The following MYO18A variants were observed in gnomAD, a reference collection of about 807,000 sequenced individuals.
MYO18A encodes myosin XVIIIA, also known as unconventional myosin-XVIIIa.
A neutral mutation model predicts 235.8 loss-of-function variants in MYO18A; 78 were observed. The observed-to-expected ratio is 0.33, with a 90% CI of 0.28 to 0.40. The LOEUF is 0.40. MYO18A is among the 10% of genes least tolerant of loss of function. The probability of loss-of-function intolerance (pLI) is 1.00; values close to 1 mark genes in which losing one functional copy is unlikely to be tolerated. For synonymous variants in MYO18A, 977 were observed against 1,077.8 expected (o/e 0.91, Z 1.83); for missense variants, 2,215 against 2,699.3 (o/e 0.82, Z 3.98).
chr17:29,167,117 G>T, intron 1 of MYO18A, 96 bp from the exon 2 acceptor site: 1 of 846,244 alleles, frequency 1.2e-6, no homozygotes, highest in Non-Finnish European at 1.8e-6. Context: ...ACTCCTCACT[G>T]GGTGCTAGCT....
intron 2 of MYO18A, among the ~76,000 whole-genome samples, chr17:29,161,355 CAAA>C (rs1175565325): frequency 3.0e-4 from 15 of 50,324 alleles, no homozygotes; most frequent in African/African-American, 7.3e-4. Flanking sequence ...AACTCCATGT[CAAA>C]AAAAAAAAAA....
chr17:29,100,579 A>G (rs899095268), intron 21 of MYO18A, among the ~76,000 whole-genome samples: 113 of 152,246 alleles, frequency 7.4e-4, no homozygotes, highest in African/African-American at 2.6e-3. Context: ...GCTCGGTAAA[A>G]TTTGCCACAC....
Position 29,074,079 on chromosome 17 carries a change from G to A in MYO18A, c.*691C>T. 1.2e-6 allele frequency: 2 copies of A among 1,614,120 alleles called. No homozygotes were observed. The highest frequency in any genetic ancestry group is 2.7e-5 in the African/African-American group (2 of 75,040). ...GCGTAGGCTTGCTCAACCCAGCCCA[G>A]CAGCACCGGAGAGCCCCTCCGCACC... On this transcript the variant is annotated 3_prime_UTR_variant, in exon 42 of 42. Coordinates refer to ENST00000527372, the MANE Select transcript of MYO18A (RefSeq NM_078471.4). The surrounding 1 kb of genome is among the most constrained non-coding windows in gnomAD (Gnocchi z 4.4).
At chr17:29,116,300 C>T in intron 11 of MYO18A, 144 bp downstream of exon 11, 1 of 897,756 alleles carries the variant, frequency 1.1e-6, no homozygotes, top group Non-Finnish European at 1.9e-6. Flanking sequence ...CCAGTGGAGA[C>T]CACAAACACC....
At chr17:29,162,504 C>T (rs2068195167) in intron 2 of MYO18A, among the ~76,000 whole-genome samples, 1 of 152,226 alleles carries the variant, frequency 6.6e-6, no homozygotes, top group Admixed American at 6.5e-5. Context: ...ATCTACTACC[C>T]AGATGTCAGC....
At chr17:29,101,975 C>T (rs1482908464) in intron 21 of MYO18A, among the ~76,000 whole-genome samples, 1 of 152,170 alleles carries the variant, frequency 6.6e-6, no homozygotes, top group Non-Finnish European at 1.5e-5. Flanking sequence ...CTCAGGGTCC[C>T]ATGGCTCAGA....
intron 2 of MYO18A, among the ~76,000 whole-genome samples, chr17:29,142,098 C>A (rs2067753877): frequency 6.6e-6 from 1 of 152,234 alleles, no homozygotes; most frequent in Admixed American, 6.5e-5. Context: ...GCGCCTGCCA[C>A]CATGCCCGGC....
rs2067712719 is a variant in MYO18A, at chr17:29,140,487, C to T, written c.1000-18234G>A. 2.6e-6 allele frequency: 3 copies of T among 1,150,092 alleles called. No individual in the cohort carries two copies. The highest frequency in any genetic ancestry group is 3.3e-6 in the Non-Finnish European group (3 of 908,120). 71.2% of individuals were successfully genotyped at this position (1,150,092 alleles called of 1,614,324 possible). ...CCCCTCCCGTCCCGAGCTGCCCAGC[C>T]CTAGTTGGAGCCAGCAGCCCGGAGG... On this transcript the variant is annotated intron_variant, in intron 2 of 41. Coordinates refer to ENST00000527372, the MANE Select transcript of MYO18A (RefSeq NM_078471.4). The surrounding 1 kb of genome is among the most constrained non-coding windows in gnomAD (Gnocchi z 4.2).
At chr17:29,128,854 C>A (rs1305765343) in intron 2 of MYO18A, among the ~76,000 whole-genome samples, 1 of 152,204 alleles carries the variant, frequency 6.6e-6, no homozygotes, top group Non-Finnish European at 1.5e-5. Flanking sequence ...CGCCGAGAGG[C>A]CTATGAGGTG....
Position 29,121,508 on chromosome 17 carries a change from G to C in MYO18A, c.1371+39C>G. On this transcript the variant is annotated intron_variant, in intron 5 of 41. Coordinates refer to ENST00000527372, the MANE Select transcript of MYO18A (RefSeq NM_078471.4). This position sits in a 1 kb window ranked among gnomAD's most constrained non-coding sequence, Gnocchi z 4.2. Reference sequence around the variant, plus strand: ...GGGCAGAGAGCCAGGGCAGGGGGTGGGACCAGGAGTCTGCAGGGTAGCCTT... The same window carrying C: ...GGGCAGAGAGCCAGGGCAGGGGGTGCGACCAGGAGTCTGCAGGGTAGCCTT... The C allele has an allele frequency of 6.5e-7, 1 of 1,548,722 alleles. No individual in the cohort carries two copies. The highest frequency in any genetic ancestry group is 8.7e-7 in the Non-Finnish European group (1 of 1,145,806).
At chr17:29,143,090 G>C (rs939998500) in intron 2 of MYO18A, among the ~76,000 whole-genome samples, 1 of 152,238 alleles carries the variant, frequency 6.6e-6, no homozygotes, top group Admixed American at 6.5e-5. Flanking sequence ...TTACAGGCGT[G>C]AGTCACCATG....
intron 2 of MYO18A, among the ~76,000 whole-genome samples, chr17:29,163,316 T>C (rs1351099220): frequency 6.6e-6 from 1 of 152,184 alleles, no homozygotes; most frequent in Non-Finnish European, 1.5e-5. Flanking sequence ...CCCAGGAAGC[T>C]GGAAACGCTG....
chr17:29,089,419 CAAA>C (rs56389977), intron 37 of MYO18A, among the ~76,000 whole-genome samples: 1 of 23,810 alleles, frequency 4.2e-5, no homozygotes, highest in African/African-American at 1.5e-4. Context: ...GACTCTGTCT[CAAA>C]AAAAAAAAAA....
chr17:29,122,161 C>T lies in MYO18A; in HGVS notation c.1087+5G>A, dbSNP rs745702975. 6.2e-7 allele frequency: 1 copy of T among 1,611,584 alleles called. No individual in the cohort carries two copies. The highest frequency in any genetic ancestry group is 1.1e-5 in the South Asian group (1 of 90,504). On this transcript the variant is annotated splice_donor_5th_base_variant and intron_variant, in intron 3 of 41. Coordinates refer to ENST00000527372, the MANE Select transcript of MYO18A (RefSeq NM_078471.4). ...ACATGTGCCCCCAGACCCTCTGAGA[C>T]TCACCCAGTGAGAAGCCGTCCCTAT...
Position 29,080,395 on chromosome 17 carries a change from G to A in MYO18A, c.6020+1921C>T, listed in dbSNP as rs370853439. 21 of 986,138 alleles carry A rather than the reference G, an allele frequency of 2.1e-5. No individual in the cohort carries two copies. The African/African-American group carries it at 3.5e-4, about 16-fold the overall frequency. The allele number at this position is 986,138 out of a possible 1,614,324, so 61.1% of individuals were successfully genotyped here. The stretch of plus-strand genomic sequence containing the variant: ...CACCGACAGACTGCGGGCCAGCGAC[G>A]GGTGGCTGTACTGCGAGCAGGCCTC... On this transcript the variant is annotated intron_variant, in intron 41 of 41. Transcript: ENST00000527372.
intron 25 of MYO18A, 53 bp downstream of exon 25, chr17:29,098,052 A>G (rs1181270832): frequency 1.2e-5 from 20 of 1,603,724 alleles, no homozygotes; most frequent in Non-Finnish European, 5.9e-6. Context: ...GCCAATGGGC[A>G]CTAGGGTATG....
intron 22 of MYO18A, 122 bp from the exon 23 acceptor site, chr17:29,099,091 G>T: frequency 8.1e-7 from 1 of 1,237,920 alleles, no homozygotes; most frequent in African/African-American, 1.5e-5. Flanking sequence ...CCCTGACCCC[G>T]AGTCAGATAC....
At chr17:29,115,862 C>G in intron 11 of MYO18A, 22 bp from the exon 12 acceptor site, 1 of 1,561,196 alleles carries the variant, frequency 6.4e-7, no homozygotes, top group South Asian at 1.2e-5. Context: ...AAAAAGGGAT[C>G]TGGCATCCTG....
At chr17:29,157,692 C>T (rs2068089542) in intron 2 of MYO18A, among the ~76,000 whole-genome samples, 1 of 152,216 alleles carries the variant, frequency 6.6e-6, no homozygotes, top group Non-Finnish European at 1.5e-5. Flanking sequence ...ACACTGAGAA[C>T]AGTGCCTAAC....
Sources: gnomAD v4.1 joint callset for allele counts (sites outside exome capture counted in the v4.1 genomes callset) on GRCh38, gnomAD v4.1.1 for gene constraint, Gnocchi (gnomAD v3.1) non-coding constraint, MANE v1.5 for transcripts, NCBI Gene and HGNC (gene_info 2026-07-23, HGNC 2026-07-21) for gene names.